UGDH: variants seen among roughly 807,000 people sequenced by gnomAD.
The protein encoded by UGDH is UDP-Glc dehydrogenase.
A neutral mutation model predicts 50.6 loss-of-function variants in UGDH; 38 were observed. The observed-to-expected ratio is 0.75, with a 90% CI of 0.58 to 0.98. The LOEUF is 0.98. UGDH is among the 50% of genes least tolerant of loss of function. UGDH has a pLI of 0.00. For synonymous variants in UGDH, 168 were observed against 199.9 expected (o/e 0.84, Z 1.35); for missense variants, 465 against 606.2 (o/e 0.77, Z 2.45).
At chr4:39,526,981 A>T in intron 1 of UGDH, 4 of 1,284,528 alleles carry the variant, frequency 3.1e-6, no homozygotes, top group Non-Finnish European at 4.1e-6. Context: ...TCGGCTTTGG[A>T]GGCGGCAGGG....
At chr4:39,506,233 T>TAAAAAAA (rs373456890) in intron 7 of UGDH, among the ~76,000 whole-genome samples, 60,183 of 129,676 alleles carry the variant, frequency 0.46, 14,203 homozygotes, top group East Asian at 0.7. Context: ...GCCGTAAATT[T>TAAAAAAA]AAAAAAAAAA....
chr4:39,505,289 C>T lies in UGDH; in HGVS notation c.1119G>A (p.Arg373=), dbSNP rs1745980992. 6.2e-7 allele frequency: 1 copy of T among 1,603,982 alleles called. No individual in the cohort carries two copies. The change falls in exon 9 of 12, where the codon AGG becomes AGA. Residue 373 remains arginine, a synonymous_variant. Coordinates refer to ENST00000316423, the MANE Select transcript of UGDH (RefSeq NM_003359.4). ...GAGAAAGATCCACAACTATTTGTTC[C>T]CTAGGTACTTTTGGATCATATATAT... ...HLHIYDPKVP[R]EQIVVDLSHP...
chr4:39,513,255 T>C (rs1008728242), intron 3 of UGDH, among the ~76,000 whole-genome samples: 1 of 152,162 alleles, frequency 6.6e-6, no homozygotes, highest in Non-Finnish European at 1.5e-5. Context: ...TAGAGTTTAA[T>C]CTCAAGTGTT....
intron 2 of UGDH, among the ~76,000 whole-genome samples, chr4:39,520,054 T>C (rs1477065815): frequency 6.6e-6 from 1 of 151,998 alleles, no homozygotes; most frequent in African/African-American, 2.4e-5. Context: ...AGAAATAAGC[T>C]TCAGCCGGGC....
In UGDH at chr4:39,508,611, G is replaced by A. The variant is rs1195438446; in HGVS notation, c.861C>T (p.Leu287=). The A allele has an allele frequency of 9.3e-6, 15 of 1,609,098 alleles. No individual in the cohort carries two copies. Among genetic ancestry groups the A allele is most frequent in the Non-Finnish European group, 1.2e-5 (14 of 1,178,636 alleles). ...FQKDVLNLVY[L]CEALNLPEVA... is the part of the protein sequence containing the mutation. ...CTTCTGGCAAATTCAGAGCCTCACAGAGATAAACCAAATTCAGAACATCCT... is the reference window on the plus strand; with the variant it reads ...CTTCTGGCAAATTCAGAGCCTCACAAAGATAAACCAAATTCAGAACATCCT... Residue 287 remains leucine, a synonymous_variant, in exon 7 of 12, where the codon CTC becomes CTT. Transcript: ENST00000316423.
rs1745998485 is a variant in UGDH at position 39,505,693 on chromosome 4, C to A, written c.962G>T (p.Ser321Ile). Residue 321 changes from serine (S) to isoleucine (I), a missense_variant, in exon 8 of 12, where the codon AGT becomes ATT. Transcript: ENST00000316423. ...CTTATCAGTTACTGTATTAAACAGA[C>A]TATCTATGATCCGGGAAGCAAACCT... ...RRRFASRIID[S>I]LFNTVTDKKI... The A allele has an allele frequency of 6.2e-7, 1 of 1,610,230 alleles. No homozygotes were observed. Among genetic ancestry groups the A allele is most frequent in the African/African-American group, 1.3e-5 (1 of 74,926 alleles).
chr4:39,500,927 T>C (rs1417435892), intron 11 of UGDH, among the ~76,000 whole-genome samples: 1 of 151,796 alleles, frequency 6.6e-6, no homozygotes, highest in African/African-American at 2.4e-5. Flanking sequence ...GTGCTGGGAT[T>C]ACCGGCGTGA....
chr4:39,514,037 T>C (rs757252592), intron 3 of UGDH, 46 bp downstream of exon 3: 3 of 1,442,334 alleles, frequency 2.1e-6, no homozygotes, highest in East Asian at 4.6e-5. Context: ...AACTTTTATA[T>C]AGACAAGAAT....
At chr4:39,519,219 A>ATT (rs34649850) in intron 2 of UGDH, among the ~76,000 whole-genome samples, 30,706 of 145,942 alleles carry the variant, frequency 0.21, 4,861 homozygotes, top group African/African-American at 0.43. Flanking sequence ...GCCTGGCCGT[A>ATT]TTTTTTTTTT....
intron 9 of UGDH, among the ~76,000 whole-genome samples, chr4:39,504,997 T>A (rs1359027745): frequency 1.3e-5 from 2 of 152,172 alleles, no homozygotes; most frequent in Non-Finnish European, 2.9e-5. Flanking sequence ...TTTGGAAGCA[T>A]CTCTTTGGAA....
intron 2 of UGDH, among the ~76,000 whole-genome samples, chr4:39,520,060 C>T (rs897874255): frequency 6.6e-6 from 1 of 151,958 alleles, no homozygotes; most frequent in African/African-American, 2.4e-5. Flanking sequence ...AAGCTTCAGC[C>T]GGGCATGGTG....
At chr4:39,508,829 A>G (rs373411768) in intron 6 of UGDH, among the ~76,000 whole-genome samples, 169 bp from the exon 7 acceptor site, 168 of 151,854 alleles carry the variant, frequency 1.1e-3, no homozygotes, top group African/African-American at 3.9e-3. Context: ...GCAGGCAACT[A>G]AACAACTCCA....
chr4:39,511,007 T>TA, intron 3 of UGDH, 146 bp from the exon 4 acceptor site: 4 of 706,676 alleles, frequency 5.7e-6, no homozygotes, highest in Non-Finnish European at 9.2e-6. Context: ...AATAATACAT[T>TA]TTATAAATAT....
chr4:39,509,738 C>G, intron 6 of UGDH, 22 bp downstream of exon 6: 2 of 1,597,886 alleles, frequency 1.3e-6, no homozygotes, highest in South Asian at 2.3e-5. Flanking sequence ...GCTCTTTCTA[C>G]TAGAGAAAAA....
At chr4:39,521,972 T>A (rs1476701873) in intron 1 of UGDH, among the ~76,000 whole-genome samples, 1 of 150,848 alleles carries the variant, frequency 6.6e-6, no homozygotes, top group Non-Finnish European at 1.5e-5. Flanking sequence ...TGATATAGAA[T>A]AAGATTAGTT....
chr4:39,513,549 T>G (rs1034510540), intron 3 of UGDH, among the ~76,000 whole-genome samples: 1 of 146,208 alleles, frequency 6.8e-6, no homozygotes, highest in Non-Finnish European at 1.5e-5. Context: ...TTTTTTTTTT[T>G]TTTTTTGAGA....
At chr4:39,514,873 G>GGTT (rs1419761753) in intron 2 of UGDH, among the ~76,000 whole-genome samples, 6 of 151,956 alleles carry the variant, frequency 3.9e-5, no homozygotes, top group Non-Finnish European at 7.4e-5. Flanking sequence ...GTAGAGATGG[G>GGTT]GTTTCACCAT....
chr4:39,523,806 CA>C (rs35858120), intron 1 of UGDH, among the ~76,000 whole-genome samples: 7,742 of 84,728 alleles, frequency 0.091, 299 homozygotes, highest in East Asian at 0.32. Context: ...AACTCCATCT[CA>C]AAAAAAAAAA....
rs765048353 is a variant in UGDH at position 39,510,413 on chromosome 4, G to A, written c.603C>T (p.His201=). Reference sequence around the variant, plus strand: ...TGAGGATCTTTTCTCTGGGAACCCAGTGCTCATATACAGCACACAGGGCCT... The same window carrying A: ...TGAGGATCTTTTCTCTGGGAACCCAATGCTCATATACAGCACACAGGGCCT... ...AVQALCAVYE[H]WVPREKILTT... Residue 201 remains histidine, a synonymous_variant, in exon 5 of 12, where the codon CAC becomes CAT. Coordinates refer to ENST00000316423, the MANE Select transcript of UGDH (RefSeq NM_003359.4). 1 of 1,614,184 alleles carries A rather than the reference G, an allele frequency of 6.2e-7. No homozygotes were observed. The highest frequency in any genetic ancestry group is 1.1e-5 in the South Asian group (1 of 91,080).
Sources: gnomAD v4.1 joint callset for allele counts (sites outside exome capture counted in the v4.1 genomes callset) on GRCh38, gnomAD v4.1.1 for gene constraint, MANE v1.5 for transcripts, NCBI Gene and HGNC (gene_info 2026-07-23, HGNC 2026-07-21) for gene names.